The following ZBTB7C variants were observed in gnomAD, a reference collection of about 807,000 sequenced individuals.
ZBTB7C encodes zinc finger and BTB domain-containing protein 7C.
In ZBTB7C, 8 loss-of-function variants were observed where a neutral mutation model predicts 25.7. The observed-to-expected ratio is 0.31, with a 90% CI of 0.18 to 0.56. The LOEUF is 0.56. Ranked by LOEUF, ZBTB7C falls within the 20% of genes least tolerant of loss-of-function variation. The probability of loss-of-function intolerance (pLI) is 0.91; values close to 1 mark genes in which losing one functional copy is unlikely to be tolerated. For synonymous variants in ZBTB7C, 394 were observed against 369.0 expected, an observed-to-expected ratio of 1.07 and a Z score of -0.78; for missense variants, 824 against 855.2, an observed-to-expected ratio of 0.96 and a Z score of 0.46.
At position 48,294,392 on chromosome 18, in the gene ZBTB7C, C is replaced by A. The variant is rs553816110; in HGVS notation, c.-79+43782G>T. 1.8e-4 allele frequency among the ~76,000 whole-genome samples: 27 copies of A among 148,388 alleles called. No individual in the cohort carries two copies. In the South Asian group the frequency reaches 5.5e-3, roughly 30 times the overall value. On this transcript the variant is annotated intron_variant, in intron 2 of 4. Coordinates refer to ENST00000590800, the MANE Select transcript of ZBTB7C (RefSeq NM_001318841.2). Reference sequence around the variant, plus strand: ...GCCCCGTTCCTAGGTGAGTTTTTTTCTGTTTCTAGCTTGGCTCCCATTATA... The same window carrying A: ...GCCCCGTTCCTAGGTGAGTTTTTTTATGTTTCTAGCTTGGCTCCCATTATA...
At chr18:48,201,539 A>G (rs1226224890) in intron 2 of ZBTB7C, among the ~76,000 whole-genome samples, 2 of 151,566 alleles carry the variant, frequency 1.3e-5, no homozygotes, top group Non-Finnish European at 3.0e-5. Context: ...TTTTCCACAC[A>G]TCTTCTTCCC....
chr18:48,358,582 G>A (rs1319098814), intron 1 of ZBTB7C, among the ~76,000 whole-genome samples: 3 of 152,062 alleles, frequency 2.0e-5, no homozygotes, highest in East Asian at 3.9e-4. Context: ...TTATAGCAAC[G>A]CAAAAACGGC....
intron 1 of ZBTB7C, among the ~76,000 whole-genome samples, chr18:48,373,570 T>C (rs1389673875): frequency 6.6e-6 from 1 of 152,094 alleles, no homozygotes; most frequent in African/African-American, 2.4e-5. Context: ...TGGTGGAAGT[T>C]GTTTGGATCA....
At chr18:48,373,384 C>T (rs1431968835) in intron 1 of ZBTB7C, among the ~76,000 whole-genome samples, 1 of 152,172 alleles carries the variant, frequency 6.6e-6, no homozygotes, top group Non-Finnish European at 1.5e-5. Context: ...ATGCCAGCAC[C>T]ATACTTCCTG....
intron 1 of ZBTB7C, among the ~76,000 whole-genome samples, chr18:48,361,698 C>G (rs994006047): frequency 6.6e-6 from 1 of 152,228 alleles, no homozygotes; most frequent in African/African-American, 2.4e-5. Flanking sequence ...ATATCAAGCC[C>G]AGGCTGCACA....
At position 48,040,072 on chromosome 18, in the gene ZBTB7C, G is replaced by A. The variant is rs763005828; in HGVS notation, c.1036C>T (p.Leu346Phe). The A allele has an allele frequency of 6.2e-7, 1 of 1,613,120 alleles. No homozygotes were observed. Among genetic ancestry groups the A allele is most frequent in the Non-Finnish European group, 8.5e-7 (1 of 1,179,460 alleles). Residue 346 changes from leucine (L) to phenylalanine (F), a missense_variant, in exon 4 of 5, where the codon CTC (leucine) becomes TTC (phenylalanine). Leu to Phe is a conservative substitution (Grantham distance 22). This residue lies in a region of ZBTB7C where 316 missense variants were observed against 299.2 expected (regional missense o/e 1.06). Transcript: ENST00000590800. ...NFLSATHLGG[L>F]FPPWPLVEER... ...TCTACCAGGGGCCAGGGTGGGAAGAGGCCTCCCAGGTGGGTGGCACTCAGG... is the reference window on the plus strand; with the variant it reads ...TCTACCAGGGGCCAGGGTGGGAAGAAGCCTCCCAGGTGGGTGGCACTCAGG...
At chr18:48,061,789 C>T (rs1474310071) in intron 3 of ZBTB7C, among the ~76,000 whole-genome samples, 1 of 152,160 alleles carries the variant, frequency 6.6e-6, no homozygotes, top group Non-Finnish European at 1.5e-5. Context: ...GTACCTTTCA[C>T]AGAGTGGAGC....
intron 3 of ZBTB7C, among the ~76,000 whole-genome samples, chr18:48,058,289 C>T (rs2036994678): frequency 6.6e-6 from 1 of 152,350 alleles, no homozygotes; most frequent in Non-Finnish European, 1.5e-5. Flanking sequence ...GGCTGAGCTT[C>T]CCCACTTGGA....
intron 3 of ZBTB7C, among the ~76,000 whole-genome samples, chr18:48,167,108 C>T (rs1309532708): frequency 6.6e-5 from 10 of 152,312 alleles, no homozygotes; most frequent in South Asian, 6.2e-4. Context: ...GTCCTGTGTC[C>T]GGTCCTTCCT....
At chr18:48,137,189 C>A in intron 3 of ZBTB7C, 1 of 985,560 alleles carries the variant, frequency 1.0e-6, no homozygotes, top group Non-Finnish European at 1.2e-6. Flanking sequence ...AGAGCACTCC[C>A]TCCCCACCCT....
At position 48,255,305 on chromosome 18, in the gene ZBTB7C, T is replaced by C. The variant is rs567228118; in HGVS notation, c.-78-69310A>G. On this transcript the variant is annotated intron_variant, in intron 2 of 4. Transcript: ENST00000590800. ...AAAAAGGTATTATAACTGTATTCCA[T>C]ATGTTTAAAAAGTTAAGATATAGAA... Among the ~76,000 whole-genome samples, 4 of 152,332 alleles carry C rather than the reference T, an allele frequency of 2.6e-5. No homozygotes were observed. The South Asian group carries it at 8.3e-4, about 32-fold the overall frequency.
intron 2 of ZBTB7C, among the ~76,000 whole-genome samples, chr18:48,213,831 C>G (rs747722713): frequency 9.2e-5 from 14 of 152,170 alleles, no homozygotes; most frequent in Admixed American, 4.6e-4. Flanking sequence ...AATGTCAGAG[C>G]AAAGGAGCCC....
At chr18:48,394,897 C>A (rs951638666) in intron 1 of ZBTB7C, among the ~76,000 whole-genome samples, 3 of 152,184 alleles carry the variant, frequency 2.0e-5, no homozygotes, top group Non-Finnish European at 2.9e-5. Context: ...AACGGCGACG[C>A]GTATGTGTAT....
rs79453065 is a variant in ZBTB7C, at chr18:48,250,375, C to T, written c.-78-64380G>A. Among the ~76,000 whole-genome samples the T allele has an allele frequency of 1.0e-3, 152 of 152,202 alleles. 3 individuals are homozygous for T. In the East Asian group the frequency reaches 0.022, roughly 22 times the overall value. ...AAACTCTCTGCGCCTCACTTTCCTC[C>T]GTTGTAGAAAAGGGGATAAGAAAAG... On this transcript the variant is annotated intron_variant, in intron 2 of 4. Coordinates refer to ENST00000590800, the MANE Select transcript of ZBTB7C (RefSeq NM_001318841.2).
At chr18:48,107,365 G>T (rs926009939) in intron 3 of ZBTB7C, among the ~76,000 whole-genome samples, 2 of 151,626 alleles carry the variant, frequency 1.3e-5, no homozygotes, top group African/African-American at 4.9e-5. Context: ...GGTCCAGAAG[G>T]AGGAGGGGAG....
intron 1 of ZBTB7C, among the ~76,000 whole-genome samples, chr18:48,384,770 C>T (rs958438567): frequency 1.3e-5 from 2 of 152,144 alleles, no homozygotes; most frequent in African/African-American, 4.8e-5. Flanking sequence ...CAACCTCTGC[C>T]TCCTTGGTTC....
intron 3 of ZBTB7C, among the ~76,000 whole-genome samples, chr18:48,164,866 G>A (rs1248621554): frequency 6.6e-6 from 1 of 151,992 alleles, no homozygotes; most frequent in Non-Finnish European, 1.5e-5. Flanking sequence ...CTCACCACGA[G>A]CCCCCACCCC....
At chr18:48,041,480 G>T in intron 3 of ZBTB7C, 7 of 985,428 alleles carry the variant, frequency 7.1e-6, no homozygotes, top group Non-Finnish European at 8.4e-6. Flanking sequence ...GAACCTAGCT[G>T]TTGCCTTGGC....
At chr18:48,225,419 C>T (rs1477256677) in intron 2 of ZBTB7C, among the ~76,000 whole-genome samples, 1 of 151,926 alleles carries the variant, frequency 6.6e-6, no homozygotes, top group African/African-American at 2.4e-5. Context: ...GCACAGTGAC[C>T]CAAGACCCAT....
Sources: allele counts gnomAD v4.1 joint callset (sites outside exome capture counted in the v4.1 genomes callset), GRCh38; gene constraint gnomAD v4.1.1; regional missense constraint gnomAD v4.1.1; transcripts MANE v1.5; gene names NCBI Gene and HGNC (gene_info 2026-07-23, HGNC 2026-07-21).